TRPC6: variants seen among roughly 807,000 people sequenced by gnomAD.
TRPC6 encodes the protein transient receptor potential cation channel subfamily C member 6, also known as short transient receptor potential channel 6.
Under a neutral mutation model 90.7 loss-of-function variants are expected in TRPC6, and 55 were observed. That is an observed-to-expected ratio of 0.61 (90% CI 0.49 to 0.76). The LOEUF is 0.76. Ranked by LOEUF, TRPC6 falls within the 30% of genes least tolerant of loss-of-function variation. The pLI, the probability that TRPC6 is intolerant of heterozygous loss-of-function variation, is 0.00. For synonymous variants in TRPC6, 393 were observed against 393.0 expected, an observed-to-expected ratio of 1.00 and a Z score of 0.00; for missense variants, 989 against 1,122.7, an observed-to-expected ratio of 0.88 and a Z score of 1.70.
At chr11:101,544,203 T>C (rs1861242729) in intron 1 of TRPC6, among the ~76,000 whole-genome samples, 1 of 152,168 alleles carries the variant, frequency 6.6e-6, no homozygotes, top group South Asian at 2.1e-4. Flanking sequence ...CCAGTTAGGA[T>C]GATGATCATG....
At chr11:101,555,803 A>C (rs2136851822) in intron 1 of TRPC6, among the ~76,000 whole-genome samples, 1 of 152,298 alleles carries the variant, frequency 6.6e-6, no homozygotes, top group East Asian at 1.9e-4. Context: ...TTATTTACAA[A>C]ACTTGAAGAA....
intron 1 of TRPC6, among the ~76,000 whole-genome samples, chr11:101,576,349 C>CA (rs1315049715): frequency 6.6e-6 from 1 of 152,196 alleles, no homozygotes; most frequent in Non-Finnish European, 1.5e-5. Context: ...TAGTTAACAT[C>CA]ATTTCTCCTC....
chr11:101,570,188 GA>G (rs1159348992), intron 1 of TRPC6, among the ~76,000 whole-genome samples: 1 of 151,896 alleles, frequency 6.6e-6, no homozygotes, highest in Admixed American at 6.6e-5. Flanking sequence ...TGATAAAGGG[GA>G]TATTACCACC....
chr11:101,566,850 G>C (rs1163275921), intron 1 of TRPC6, among the ~76,000 whole-genome samples: 4 of 152,156 alleles, frequency 2.6e-5, no homozygotes, highest in Non-Finnish European at 5.9e-5. Context: ...CCAGATACTG[G>C]GCTTTTCCCA....
chr11:101,493,148 C>T (rs781511615), intron 2 of TRPC6, among the ~76,000 whole-genome samples: 1 of 152,146 alleles, frequency 6.6e-6, no homozygotes, highest in Admixed American at 6.5e-5. Context: ...TCAAGAAAGC[C>T]TATTAGCAGG....
At chr11:101,533,996 G>A (rs1277796836) in intron 1 of TRPC6, among the ~76,000 whole-genome samples, 2 of 152,234 alleles carry the variant, frequency 1.3e-5, no homozygotes, top group Non-Finnish European at 2.9e-5. Context: ...CTGTCTGGAA[G>A]CTCCCATTCC....
chr11:101,580,310 C>T (rs1002116165), intron 1 of TRPC6, among the ~76,000 whole-genome samples: 1 of 152,100 alleles, frequency 6.6e-6, no homozygotes, highest in African/African-American at 2.4e-5. Context: ...TCTGAAATGC[C>T]TCCTGGGACC....
intron 1 of TRPC6, among the ~76,000 whole-genome samples, chr11:101,563,418 G>C (rs1861757937): frequency 6.6e-6 from 1 of 152,192 alleles, no homozygotes; most frequent in Non-Finnish European, 1.5e-5. Flanking sequence ...GTCTGCAAGA[G>C]TGGGGCAGGG....
chr11:101,542,487 G>A (rs1213589061), intron 1 of TRPC6, among the ~76,000 whole-genome samples: 2 of 152,112 alleles, frequency 1.3e-5, no homozygotes, highest in Non-Finnish European at 2.9e-5. Context: ...AAAGTCAGCA[G>A]TCAAACCCAA....
At position 101,497,931 on chromosome 11, in the gene TRPC6, T is replaced by C. The variant is rs186276659; in HGVS notation, c.945+6093A>G. The stretch of plus-strand genomic sequence containing the variant: ...TTTTTAAGAGGAATAAAAAGAAACA[T>C]TGTGTGTTACTACAAACAACCTAAA... On this transcript the variant is annotated intron_variant, in intron 2 of 12. Transcript: ENST00000344327. 4.4e-3 allele frequency among the ~76,000 whole-genome samples: 674 copies of C among 152,158 alleles called. 7 individuals carry two copies. Among genetic ancestry groups the C allele is most frequent in the South Asian group, 0.019 (90 of 4,824 alleles).
At chr11:101,510,744 A>G (rs1228692919) in intron 1 of TRPC6, among the ~76,000 whole-genome samples, 3 of 152,108 alleles carry the variant, frequency 2.0e-5, no homozygotes, top group Non-Finnish European at 2.9e-5. Context: ...GGAATAATCC[A>G]TCTCTATTGA....
At chr11:101,455,836 C>T (rs1042470084) in intron 10 of TRPC6, among the ~76,000 whole-genome samples, 2 of 152,120 alleles carry the variant, frequency 1.3e-5, no homozygotes, top group African/African-American at 2.4e-5. Flanking sequence ...GCTACTCAGA[C>T]ATTCATCTAT....
chr11:101,472,456 T>A, intron 7 of TRPC6, 124 bp from the exon 8 acceptor site: 1 of 858,952 alleles, frequency 1.2e-6, no homozygotes, highest in Non-Finnish European at 1.8e-6. Context: ...ATTCTTCACT[T>A]CTCTGAAGCT....
rs578028810 is a variant in TRPC6, at chr11:101,529,565, G to A, written c.171-24767C>T. On this transcript the variant is annotated intron_variant, in intron 1 of 12. Coordinates refer to ENST00000344327, the MANE Select transcript of TRPC6 (RefSeq NM_004621.6). ...TGCTAAAGCCTGGCTAGAATAGATCGTCCTACAGAATTTGATAATCTTGGA... is the reference window on the plus strand; with the variant it reads ...TGCTAAAGCCTGGCTAGAATAGATCATCCTACAGAATTTGATAATCTTGGA... Among the ~76,000 whole-genome samples, 22 of 152,278 alleles carry A rather than the reference G, an allele frequency of 1.4e-4. No individual in the cohort carries two copies. The East Asian group carries it at 1.7e-3, about 12-fold the overall frequency.
chr11:101,520,859 T>A lies in TRPC6; in HGVS notation c.171-16061A>T, dbSNP rs552244929. Among the ~76,000 whole-genome samples the A allele has an allele frequency of 5.9e-5, 9 of 152,232 alleles. 1 individual carries two copies. The highest frequency in any genetic ancestry group is 3.9e-4 in the Admixed American group (6 of 15,288). Reference sequence around the variant, plus strand: ...CCTTCAGAGTGATGGATTTAGGGTATCTAATGGAAGAAATTTCTAAGCAGC... The same window carrying A: ...CCTTCAGAGTGATGGATTTAGGGTAACTAATGGAAGAAATTTCTAAGCAGC... On this transcript the variant is annotated intron_variant, in intron 1 of 12. Transcript: ENST00000344327.
At chr11:101,512,382 T>C (rs1473545126) in intron 1 of TRPC6, among the ~76,000 whole-genome samples, 1 of 152,208 alleles carries the variant, frequency 6.6e-6, no homozygotes, top group Non-Finnish European at 1.5e-5. Flanking sequence ...ATTTGTATCA[T>C]CATTTCATTT....
In TRPC6 at chr11:101,546,050, C is replaced by CTTTTTTTTTTTT. The variant is rs1166182552; in HGVS notation, c.170+37272_170+37283dup. Among the ~76,000 whole-genome samples, 27 of 29,724 alleles carry CTTTTTTTTTTTT rather than the reference C, an allele frequency of 9.1e-4. 8 individuals are homozygous for CTTTTTTTTTTTT. Among genetic ancestry groups the CTTTTTTTTTTTT allele is most frequent in the Non-Finnish European group, 1.3e-3 (21 of 16,050 alleles). 19.5% of individuals were successfully genotyped at this position (29,724 alleles called of 152,430 possible). On this transcript the variant is annotated intron_variant, in intron 1 of 12. Transcript: ENST00000344327. The stretch of plus-strand genomic sequence containing the variant: ...TGGATCTAGTATCACATTTATAACT[C>CTTTTTTTTTTTT]TTTTTTTTTTTTTTTTTTTTTTTTT...
chr11:101,509,082 T>TG (rs995305585), intron 1 of TRPC6, among the ~76,000 whole-genome samples: 1 of 115,806 alleles, frequency 8.6e-6, no homozygotes, highest in African/African-American at 3.6e-5. Context: ...AGAAGACCCA[T>TG]GAAAAAAAGG....
chr11:101,459,663 A>C (rs999822334), intron 10 of TRPC6, among the ~76,000 whole-genome samples: 1 of 152,172 alleles, frequency 6.6e-6, no homozygotes, highest in Non-Finnish European at 1.5e-5. Flanking sequence ...CATATTTTCT[A>C]TCATAAAGAA....
Sources: gnomAD v4.1 joint callset for allele counts (sites outside exome capture counted in the v4.1 genomes callset) on GRCh38, gnomAD v4.1.1 for gene constraint, MANE v1.5 for transcripts, NCBI Gene and HGNC (gene_info 2026-07-23, HGNC 2026-07-21) for gene names.